The following MCTP1 variants were observed in gnomAD, a reference collection of about 807,000 sequenced individuals.
MCTP1 encodes the protein multiple C2 and transmembrane domain-containing protein 1.
Under a neutral mutation model 120.6 loss-of-function variants are expected in MCTP1, and 69 were observed. That is an observed-to-expected ratio of 0.57 (90% CI 0.47 to 0.70). The LOEUF (loss-of-function observed/expected upper bound fraction) is 0.70. MCTP1 is among the 30% of genes least tolerant of loss of function. The pLI is 0.00. For missense variants in MCTP1, 1,203 were observed against 1,248.8 expected (o/e 0.96, Z 0.55); for synonymous variants, 529 against 493.1 (o/e 1.07, Z -0.96).
At chr5:95,053,430 G>T (rs1268257746) in intron 1 of MCTP1, among the ~76,000 whole-genome samples, 2 of 152,160 alleles carry the variant, frequency 1.3e-5, no homozygotes, top group Admixed American at 1.3e-4. Context: ...GGAGGAGTGT[G>T]AGCACTGCCA....
intron 1 of MCTP1, among the ~76,000 whole-genome samples, chr5:95,099,346 T>C (rs978469322): frequency 1.3e-5 from 2 of 150,610 alleles, no homozygotes; most frequent in African/African-American, 4.9e-5. Flanking sequence ...ACCCACAAAA[T>C]GGGAGAAAAT....
At chr5:95,256,829 C>T (rs898948700) in intron 1 of MCTP1, among the ~76,000 whole-genome samples, 3 of 152,142 alleles carry the variant, frequency 2.0e-5, no homozygotes, top group Non-Finnish European at 4.4e-5. Flanking sequence ...CATTTTAGGG[C>T]ACATTTACAT....
chr5:94,963,376 C>A (rs1327532810), intron 2 of MCTP1, among the ~76,000 whole-genome samples: 9 of 139,506 alleles, frequency 6.5e-5, no homozygotes, highest in African/African-American at 1.3e-4. Flanking sequence ...TTTTGAGAAA[C>A]CTCCATACTG....
chr5:95,109,117 C>T (rs1757284138), intron 1 of MCTP1, among the ~76,000 whole-genome samples: 1 of 152,168 alleles, frequency 6.6e-6, no homozygotes, highest in South Asian at 2.1e-4. Context: ...AGGTCAATGA[C>T]ATTTTTCCTT....
At chr5:94,934,190 T>C (rs1815538790) in intron 5 of MCTP1, among the ~76,000 whole-genome samples, 2 of 151,460 alleles carry the variant, frequency 1.3e-5, no homozygotes, top group African/African-American at 4.8e-5. Context: ...AGTAGAAAAA[T>C]TAAAAAGAAA....
intron 19 of MCTP1, among the ~76,000 whole-genome samples, chr5:94,746,626 G>T (rs1349498019): frequency 6.6e-6 from 1 of 152,178 alleles, no homozygotes; most frequent in Non-Finnish European, 1.5e-5. Context: ...ATGTAATAGT[G>T]CAGACAAAAC....
In MCTP1 at chr5:94,708,628, T is replaced by A; in HGVS notation, c.2831-19A>T. On this transcript the variant is annotated intron_variant, in intron 21 of 22. Transcript: ENST00000515393. ...TTGATGCCTGAAACAAAGTTGGAGT[T>A]AAACAAAGCACATTTCTGACAAAAG... is the stretch of plus-strand genomic sequence containing the variant. The A allele has an allele frequency of 6.9e-7, 1 of 1,453,180 alleles. No homozygotes were observed. Among genetic ancestry groups the A allele is most frequent in the Non-Finnish European group, 9.7e-7 (1 of 1,034,638 alleles). 90.0% of individuals were successfully genotyped at this position (1,453,180 alleles called of 1,614,324 possible). A position where few individuals can be genotyped will look rare whatever the true frequency, so the allele number is the denominator to read the frequency against.
intron 1 of MCTP1, among the ~76,000 whole-genome samples, chr5:95,137,944 G>A (rs1759569837): frequency 1.3e-5 from 2 of 152,210 alleles, no homozygotes; most frequent in African/African-American, 4.8e-5. Flanking sequence ...CTATTGAATA[G>A]TATGACTATT....
At chr5:94,819,944 C>T (rs894491296) in intron 17 of MCTP1, among the ~76,000 whole-genome samples, 1 of 152,176 alleles carries the variant, frequency 6.6e-6, no homozygotes, top group African/African-American at 2.4e-5. Flanking sequence ...AGAACCTGTC[C>T]TTCTGTGTTA....
intron 1 of MCTP1, among the ~76,000 whole-genome samples, chr5:95,132,562 G>A (rs752990257): frequency 1.8e-4 from 28 of 152,162 alleles, no homozygotes; most frequent in Non-Finnish European, 3.5e-4. Context: ...TTCATCTCAG[G>A]CGCAGTTGCC....
chr5:94,762,739 A>C (rs1225722862), intron 19 of MCTP1, among the ~76,000 whole-genome samples: 1 of 152,108 alleles, frequency 6.6e-6, no homozygotes, highest in Non-Finnish European at 1.5e-5. Context: ...CAGTTTCTTC[A>C]CCACCAGACA....
intron 1 of MCTP1, among the ~76,000 whole-genome samples, chr5:95,247,597 T>C (rs1756946466): frequency 6.6e-6 from 1 of 152,238 alleles, no homozygotes; most frequent in Admixed American, 6.5e-5. Context: ...TGTGTCTTTG[T>C]TCTCATTGGT....
intron 1 of MCTP1, among the ~76,000 whole-genome samples, chr5:95,202,301 G>T (rs1751154166): frequency 6.6e-6 from 1 of 152,156 alleles, no homozygotes; most frequent in Admixed American, 6.5e-5. Flanking sequence ...CTGCCCCTTA[G>T]GTTCTCAGGC....
At chr5:94,864,888 C>T (rs1343972056) in intron 17 of MCTP1, among the ~76,000 whole-genome samples, 7 of 151,878 alleles carry the variant, frequency 4.6e-5, no homozygotes, top group Non-Finnish European at 1.5e-5. Context: ...GTTGCACCCA[C>T]TGACATCCAC....
At chr5:95,123,079 GT>G (rs928422014) in intron 1 of MCTP1, among the ~76,000 whole-genome samples, 2 of 152,166 alleles carry the variant, frequency 1.3e-5, no homozygotes, top group African/African-American at 4.8e-5. Flanking sequence ...GGTGACTACA[GT>G]AAAAAATAAT....
intron 17 of MCTP1, among the ~76,000 whole-genome samples, chr5:94,844,566 T>G (rs1791889609): frequency 6.6e-6 from 1 of 152,122 alleles, no homozygotes; most frequent in Non-Finnish European, 1.5e-5. Flanking sequence ...GAGCCTGCTT[T>G]TCTTTCTGGG....
chr5:95,020,064 A>T (rs1051527473), intron 1 of MCTP1, among the ~76,000 whole-genome samples: 1 of 152,050 alleles, frequency 6.6e-6, no homozygotes, highest in African/African-American at 2.4e-5. Flanking sequence ...TAGGTTTTCT[A>T]CTTCGTAAAA....
chr5:94,816,107 T>G (rs1323472993), intron 17 of MCTP1, among the ~76,000 whole-genome samples: 2 of 152,148 alleles, frequency 1.3e-5, no homozygotes. Context: ...AATTGAGAAA[T>G]TTTGTGGATA....
chr5:94,940,616 G>GTA (rs959736219), intron 4 of MCTP1, among the ~76,000 whole-genome samples: 11 of 142,056 alleles, frequency 7.7e-5, no homozygotes, highest in South Asian at 2.2e-4. Flanking sequence ...ACATATATAT[G>GTA]TGTATATATA....
Sources: gnomAD v4.1 joint callset for allele counts (sites outside exome capture counted in the v4.1 genomes callset) on GRCh38, gnomAD v4.1.1 for gene constraint, MANE v1.5 for transcripts, NCBI Gene and HGNC (gene_info 2026-07-23, HGNC 2026-07-21) for gene names.